MYO1D: variants seen among roughly 807,000 people sequenced by gnomAD.
MYO1D encodes the protein myosin ID.
MYO1D carries 83 observed loss-of-function variants against 122.0 expected under a neutral mutation model. The ratio of observed to expected loss-of-function variants is 0.68; its 90% CI spans 0.57 to 0.82. MYO1D has a LOEUF of 0.82. MYO1D is among the 40% of genes least tolerant of loss of function. The pLI is 0.00. For synonymous variants in MYO1D, 464 were observed against 446.9 expected, an observed-to-expected ratio of 1.04 and a Z score of -0.48; for missense variants, 1,157 against 1,269.5, an observed-to-expected ratio of 0.91 and a Z score of 1.35.
chr17:32,855,859 G>T (rs2091023676), intron 1 of MYO1D, among the ~76,000 whole-genome samples: 1 of 152,224 alleles, frequency 6.6e-6, no homozygotes, highest in Non-Finnish European at 1.5e-5. Context: ...GGATGAGGTT[G>T]TCTGAAGCAC....
rs1191772138 is a variant in MYO1D at position 32,767,530 on chromosome 17, T to A, written c.831+106A>T. On this transcript the variant is annotated intron_variant, in intron 7 of 21. Transcript: ENST00000318217. ...TAATTTCTTCAAAATACGTACAAAA[T>A]TTTCTCTGAATACTTTTTAAATCTA... is the stretch of plus-strand genomic sequence containing the variant. 4.4e-6 allele frequency: 3 copies of A among 680,718 alleles called. No homozygotes were observed. The African/African-American group carries it at 5.4e-5, about 12-fold the overall frequency. The allele number at this position is 680,718 out of a possible 1,614,324, so 42.2% of individuals were successfully genotyped here. A position where few individuals can be genotyped will look rare whatever the true frequency, so the allele number is the denominator to read the frequency against.
rs532029359 is a variant in MYO1D at position 32,563,506 on chromosome 17, C to T, written c.2864+41581G>A. On this transcript the variant is annotated intron_variant, in intron 21 of 21. Coordinates refer to ENST00000318217, the MANE Select transcript of MYO1D (RefSeq NM_015194.3). ...TGCTGGGATTACAGGCGTGTGCCAC[C>T]GCACCCAGCCTGCAATTACGGTGAT... Among the ~76,000 whole-genome samples the T allele has an allele frequency of 1.8e-3, 275 of 152,212 alleles. 1 individual carries two copies. The highest frequency in any genetic ancestry group is 6.3e-3 in the African/African-American group (262 of 41,520).
intron 21 of MYO1D, among the ~76,000 whole-genome samples, chr17:32,570,058 T>C (rs2087208729): frequency 6.6e-6 from 1 of 152,218 alleles, no homozygotes; most frequent in South Asian, 2.1e-4. Flanking sequence ...TGCTGGTCTT[T>C]ACAAACAGAG....
At chr17:32,811,960 G>A (rs2090576130) in intron 1 of MYO1D, among the ~76,000 whole-genome samples, 7 of 152,094 alleles carry the variant, frequency 4.6e-5, no homozygotes, top group Admixed American at 3.9e-4. Flanking sequence ...AAACATAACT[G>A]AGCAACTGAA....
chr17:32,689,450 T>G (rs374953144), intron 16 of MYO1D, among the ~76,000 whole-genome samples: 8 of 152,308 alleles, frequency 5.3e-5, no homozygotes, highest in African/African-American at 1.9e-4. Flanking sequence ...TTTGACAACA[T>G]TAAGACTTTA....
At chr17:32,500,747 C>T (rs181924736) in intron 21 of MYO1D, among the ~76,000 whole-genome samples, 5 of 152,236 alleles carry the variant, frequency 3.3e-5, no homozygotes, top group East Asian at 1.9e-4. Context: ...TGGCTCACGC[C>T]GGTAATCCCA....
chr17:32,677,301 T>C (rs2088826131), intron 16 of MYO1D, among the ~76,000 whole-genome samples: 1 of 152,080 alleles, frequency 6.6e-6, no homozygotes, highest in Non-Finnish European at 1.5e-5. Flanking sequence ...TTATAATCAC[T>C]CCATGAATGG....
rs574213907 is a variant in MYO1D at position 32,862,679 on chromosome 17, T to C, written c.95+14099A>G. ...TCGGGTGAAAAAATGGAAAACTTGT[T>C]GTAAGGATAAAGAATAAAGTGTGAT... On this transcript the variant is annotated intron_variant, in intron 1 of 21. Coordinates refer to ENST00000318217, the MANE Select transcript of MYO1D (RefSeq NM_015194.3). Among the ~76,000 whole-genome samples, 14 of 152,236 alleles carry C rather than the reference T, an allele frequency of 9.2e-5. No individual in the cohort carries two copies. The South Asian group carries it at 2.9e-3, about 32-fold the overall frequency.
chr17:32,812,417 A>T (rs759665076), intron 1 of MYO1D, among the ~76,000 whole-genome samples: 4 of 152,252 alleles, frequency 2.6e-5, no homozygotes, highest in South Asian at 2.1e-4. Context: ...TATGGTAAAA[A>T]ATGAGGACAA....
At chr17:32,516,109 G>A (rs1046965360) in intron 21 of MYO1D, among the ~76,000 whole-genome samples, 1 of 152,338 alleles carries the variant, frequency 6.6e-6, no homozygotes, top group South Asian at 2.1e-4. Context: ...AGTACATAAT[G>A]CATCAATTTT....
chr17:32,737,481 C>T (rs1294211175), intron 14 of MYO1D, among the ~76,000 whole-genome samples: 2 of 152,004 alleles, frequency 1.3e-5, no homozygotes, highest in Non-Finnish European at 1.5e-5. Flanking sequence ...CCACCTTAGC[C>T]TCCAGAGTAC....
At chr17:32,520,705 T>A (rs993790351) in intron 21 of MYO1D, among the ~76,000 whole-genome samples, 2 of 152,230 alleles carry the variant, frequency 1.3e-5, no homozygotes, top group African/African-American at 4.8e-5. Flanking sequence ...CTTCTGTTCA[T>A]CTAGACATGA....
intron 21 of MYO1D, among the ~76,000 whole-genome samples, chr17:32,541,958 T>A (rs1262217462): frequency 6.6e-6 from 1 of 152,116 alleles, no homozygotes; most frequent in Non-Finnish European, 1.5e-5. Context: ...CCCGGCTAAT[T>A]CCTCTCTTCT....
At chr17:32,638,700 G>A (rs753609943) in intron 20 of MYO1D, 22 bp downstream of exon 20, 1 of 1,524,706 alleles carries the variant, frequency 6.6e-7, no homozygotes, top group Non-Finnish European at 9.1e-7. Flanking sequence ...TCTTTATCCA[G>A]AGAGAAGCAC....
intron 1 of MYO1D, among the ~76,000 whole-genome samples, chr17:32,839,383 T>C (rs1326064466): frequency 1.3e-5 from 2 of 152,190 alleles, no homozygotes; most frequent in African/African-American, 2.4e-5. Context: ...TTGTAACCTA[T>C]AGTGGCAGGG....
chr17:32,870,609 A>G (rs1451643051), intron 1 of MYO1D, among the ~76,000 whole-genome samples: 2 of 151,770 alleles, frequency 1.3e-5, no homozygotes, highest in African/African-American at 2.4e-5. Flanking sequence ...AAAAAAAAAA[A>G]AAAGAAAGAA....
intron 16 of MYO1D, among the ~76,000 whole-genome samples, chr17:32,700,896 A>G (rs1042588332): frequency 2.7e-5 from 4 of 150,668 alleles, no homozygotes; most frequent in African/African-American, 9.7e-5. Context: ...GTGAGCTGAG[A>G]TCACGCCATT....
chr17:32,495,783 G>C (rs1909078070), intron 21 of MYO1D: 1 of 152,348 alleles, frequency 6.6e-6, no homozygotes, highest in South Asian at 2.1e-4. Context: ...TGCCTTGTCA[G>C]CTCTGAGCTG....
At chr17:32,632,475 ATGAGGTATATGCTGCATTCG>A (rs1360095505) in intron 20 of MYO1D, 2 of 151,936 alleles carry the variant, frequency 1.3e-5, no homozygotes, top group Non-Finnish European at 2.9e-5. Flanking sequence ...CTGCCGTGTC[ATGAGGTATATGCTGCATTCG>A]TGTATGTGCC....
Sources: allele counts gnomAD v4.1 joint callset (sites outside exome capture counted in the v4.1 genomes callset), GRCh38; gene constraint gnomAD v4.1.1; transcripts MANE v1.5; gene names NCBI Gene and HGNC (gene_info 2026-07-23, HGNC 2026-07-21).